Variants in FAM135B observed in about 807,000 individuals in gnomAD.
FAM135B encodes the protein protein FAM135B.
FAM135B carries 43 observed loss-of-function variants against 127.7 expected under a neutral mutation model. The observed-to-expected ratio is 0.34, with a 90% CI of 0.26 to 0.43. FAM135B has a LOEUF of 0.43. Ranked by LOEUF, FAM135B falls within the 20% of genes least tolerant of loss-of-function variation. FAM135B has a pLI of 1.00. For missense variants in FAM135B, 1,558 were observed against 1,725.6 expected (o/e 0.90, Z 1.72); for synonymous variants, 670 against 665.1 (o/e 1.01, Z -0.11).
At chr8:138,299,185 CAATTTT>C (rs1374906521) in intron 3 of FAM135B, among the ~76,000 whole-genome samples, 1 of 151,728 alleles carries the variant, frequency 6.6e-6, no homozygotes, top group African/African-American at 2.4e-5. Flanking sequence ...AAAATATACC[CAATTTT>C]AATTATATTA....
Position 138,301,137 on chromosome 8 carries a change from C to T in FAM135B, c.157+9704G>A, listed in dbSNP as rs139066339. On this transcript the variant is annotated intron_variant, in intron 3 of 19. Transcript: ENST00000395297. ...CAAATGCCCATGGGATTCTGTGAGT[C>T]AGGACCTTGGGCCACACATTGAGGA... Among the ~76,000 whole-genome samples, 543 of 152,264 alleles carry T rather than the reference C, an allele frequency of 3.6e-3. 4 individuals are homozygous for T. Among genetic ancestry groups the T allele is most frequent in the African/African-American group, 0.012 (498 of 41,560 alleles).
chr8:138,152,770 G>A lies in FAM135B; in HGVS notation c.1705C>T (p.Leu569=), dbSNP rs1281968684. Residue 569 remains leucine (L), a synonymous_variant, in exon 13 of 20, where the codon CTG becomes TTG. Coordinates refer to ENST00000395297, the MANE Select transcript of FAM135B (RefSeq NM_015912.4). The part of the protein sequence containing the change: ...SNKNPSRAEP[L]VAFNAQHESR... ...TCATGCTGAGCATTGAAGGCCACCA[G>A]GGGTTCAGCTCTGGAGGGGTTCTTA... 3.1e-6 allele frequency: 5 copies of A among 1,614,088 alleles called. No individual in the cohort carries two copies. Among genetic ancestry groups the A allele is most frequent in the African/African-American group, 2.7e-5 (2 of 74,932 alleles).
At chr8:138,165,165 G>A (rs1306224353) in intron 12 of FAM135B, among the ~76,000 whole-genome samples, 2 of 151,298 alleles carry the variant, frequency 1.3e-5, no homozygotes, top group Admixed American at 6.6e-5. Context: ...TTGTTGGCCA[G>A]GCTGGAGTGC....
At chr8:138,360,376 A>C (rs1428463375) in intron 2 of FAM135B, among the ~76,000 whole-genome samples, 1 of 152,208 alleles carries the variant, frequency 6.6e-6, no homozygotes, top group African/African-American at 2.4e-5. Flanking sequence ...CCTTGGGGGA[A>C]AAGTATTGCA....
At chr8:138,362,241 T>C (rs1830462254) in intron 2 of FAM135B, among the ~76,000 whole-genome samples, 1 of 151,250 alleles carries the variant, frequency 6.6e-6, no homozygotes, top group African/African-American at 2.4e-5. Flanking sequence ...TTATACCCAT[T>C]AACCAGCCCC....
intron 12 of FAM135B, among the ~76,000 whole-genome samples, chr8:138,160,704 CT>C (rs1464966241): frequency 6.6e-6 from 1 of 151,984 alleles, no homozygotes; most frequent in African/African-American, 2.4e-5. Flanking sequence ...AGCCTGGTGT[CT>C]GATATTTAAA....
At chr8:138,403,768 G>A (rs561905344) in intron 1 of FAM135B, among the ~76,000 whole-genome samples, 60 of 152,306 alleles carry the variant, frequency 3.9e-4, no homozygotes, top group African/African-American at 1.3e-3. Context: ...CTACACCTCA[G>A]TGTTCCTCCA....
intron 1 of FAM135B, chr8:138,439,279 T>C (rs1311691941): frequency 6.6e-6 from 1 of 152,194 alleles, no homozygotes; most frequent in Admixed American, 6.5e-5. Context: ...TGGCCCTGTG[T>C]GGTCAATATG....
chr8:138,354,376 T>A (rs1447788357), intron 2 of FAM135B, among the ~76,000 whole-genome samples: 1 of 152,274 alleles, frequency 6.6e-6, no homozygotes, highest in South Asian at 2.1e-4. Context: ...ACCCAGGAGA[T>A]GACATGCCCT....
chr8:138,479,479 T>C (rs1430847868), intron 1 of FAM135B, among the ~76,000 whole-genome samples: 1 of 152,190 alleles, frequency 6.6e-6, no homozygotes, highest in East Asian at 1.9e-4. Context: ...TAGAGGCTTG[T>C]TATGAATCAC....
intron 2 of FAM135B, among the ~76,000 whole-genome samples, chr8:138,365,145 C>T (rs766248694): frequency 2.6e-5 from 4 of 152,194 alleles, no homozygotes; most frequent in Non-Finnish European, 5.9e-5. Context: ...CCATGCCTGG[C>T]TGATCACGTA....
intron 13 of FAM135B, among the ~76,000 whole-genome samples, chr8:138,149,196 C>A (rs7829499): frequency 0.69 from 104,922 of 151,322 alleles, 36,385 homozygotes; most frequent in East Asian, 0.76. Context: ...AACAAAAAAA[C>A]CCCGAAGCTT....
At chr8:138,195,531 A>G (rs994036577) in intron 8 of FAM135B, among the ~76,000 whole-genome samples, 1 of 152,170 alleles carries the variant, frequency 6.6e-6, no homozygotes, top group Non-Finnish European at 1.5e-5. Flanking sequence ...ATAAAAGCCA[A>G]TATCACCTCA....
intron 7 of FAM135B, among the ~76,000 whole-genome samples, chr8:138,214,929 T>C (rs1482216664): frequency 6.6e-6 from 1 of 152,064 alleles, no homozygotes; most frequent in South Asian, 2.1e-4. Flanking sequence ...AAGAAGGAAT[T>C]AGGACATATT....
chr8:138,332,863 G>A lies in FAM135B; in HGVS notation c.78-21943C>T, dbSNP rs114628087. Among the ~76,000 whole-genome samples the A allele has an allele frequency of 3.1e-3, 468 of 152,140 alleles. 4 individuals are homozygous for A. The highest frequency in any genetic ancestry group is 0.011 in the African/African-American group (440 of 41,508). Reference sequence around the variant, plus strand: ...GTGGTGCTTCTTCAGGGAGTTGGTGGAAGTGAGATGACCTCACATAAAGCA... The same window carrying A: ...GTGGTGCTTCTTCAGGGAGTTGGTGAAAGTGAGATGACCTCACATAAAGCA... On this transcript the variant is annotated intron_variant, in intron 2 of 19. Coordinates refer to ENST00000395297, the MANE Select transcript of FAM135B (RefSeq NM_015912.4).
At chr8:138,367,581 A>G (rs1009679715) in intron 2 of FAM135B, among the ~76,000 whole-genome samples, 1 of 152,180 alleles carries the variant, frequency 6.6e-6, no homozygotes, top group Non-Finnish European at 1.5e-5. Flanking sequence ...CCACAGCTAC[A>G]CAGGCAAGCT....
intron 2 of FAM135B, among the ~76,000 whole-genome samples, chr8:138,353,499 A>G (rs1829902802): frequency 6.6e-6 from 1 of 152,136 alleles, no homozygotes; most frequent in Non-Finnish European, 1.5e-5. Context: ...CATCTCTCCA[A>G]TAGCTCTAGC....
At chr8:138,265,511 C>A (rs1383203934) in intron 4 of FAM135B, among the ~76,000 whole-genome samples, 192 bp downstream of exon 4, 1 of 152,024 alleles carries the variant, frequency 6.6e-6, no homozygotes, top group Non-Finnish European at 1.5e-5. Context: ...ATGGAACAAG[C>A]AAATATATGA....
chr8:138,289,513 C>T (rs953645769), intron 3 of FAM135B, among the ~76,000 whole-genome samples: 1 of 152,224 alleles, frequency 6.6e-6, no homozygotes, highest in Non-Finnish European at 1.5e-5. Context: ...GGTTCCAGCT[C>T]GGTGGTATCT....
Sources: allele counts gnomAD v4.1 joint callset (sites outside exome capture counted in the v4.1 genomes callset), GRCh38; gene constraint gnomAD v4.1.1; transcripts MANE v1.5; gene names NCBI Gene and HGNC (gene_info 2026-07-23, HGNC 2026-07-21).